The following CDK14 variants were observed in gnomAD, a reference collection of about 807,000 sequenced individuals.
CDK14 encodes the protein cyclin dependent kinase 14, also known as cyclin-dependent kinase 14.
CDK14 carries 34 observed loss-of-function variants against 60.7 expected under a neutral mutation model. The ratio of observed to expected loss-of-function variants is 0.56; its 90% CI spans 0.43 to 0.75. CDK14 has a LOEUF of 0.75. CDK14 is among the 30% of genes least tolerant of loss of function. The pLI is 0.00. For missense variants in CDK14, 482 were observed against 564.1 expected, an observed-to-expected ratio of 0.85 and a Z score of 1.47; for synonymous variants, 197 against 203.7, an observed-to-expected ratio of 0.97 and a Z score of 0.28.
Position 90,890,991 on chromosome 7 carries a change from A to G in CDK14, c.640-8300A>G, listed in dbSNP as rs79233363. Among the ~76,000 whole-genome samples the G allele has an allele frequency of 9.8e-3, 1,499 of 152,294 alleles. 23 individuals are homozygous for G. The highest frequency in any genetic ancestry group is 0.033 in the African/African-American group (1,375 of 41,554). ...GTGGTGTGTGCACTGTGTCTCAGAC[A>G]TGGGACACTGGTAATGAAGATGACA... On this transcript the variant is annotated intron_variant, in intron 6 of 14. Coordinates refer to ENST00000380050, the MANE Select transcript of CDK14 (RefSeq NM_001287135.2).
intron 14 of CDK14, among the ~76,000 whole-genome samples, chr7:91,158,709 A>G (rs903684761): frequency 1.3e-5 from 2 of 152,208 alleles, no homozygotes; most frequent in South Asian, 4.1e-4. Flanking sequence ...GGTTGTTCTA[A>G]GGCAGGAATG....
chr7:90,858,693 A>G (rs572868242), intron 5 of CDK14, among the ~76,000 whole-genome samples: 185 of 152,316 alleles, frequency 1.2e-3, no homozygotes, highest in Non-Finnish European at 2.3e-3. Context: ...TCATTTAAAA[A>G]TACCCTGCTG....
chr7:90,685,330 T>G (rs1191712520), intron 2 of CDK14, among the ~76,000 whole-genome samples: 1 of 152,196 alleles, frequency 6.6e-6, no homozygotes, highest in East Asian at 1.9e-4. Context: ...TGTCTTTTCC[T>G]GTGTCAGTAC....
chr7:90,707,647 T>C (rs1329116687), intron 2 of CDK14, among the ~76,000 whole-genome samples: 2 of 152,212 alleles, frequency 1.3e-5, no homozygotes, highest in African/African-American at 4.8e-5. Flanking sequence ...ACCTTTCTTC[T>C]GAGCCTTCGC....
intron 6 of CDK14, among the ~76,000 whole-genome samples, chr7:90,891,227 C>A (rs1792114616): frequency 6.6e-6 from 1 of 152,106 alleles, no homozygotes; most frequent in African/African-American, 2.4e-5. Context: ...GGTTCATTCA[C>A]CTGGAAGAGG....
At chr7:90,934,546 A>G (rs1793693386) in intron 8 of CDK14, among the ~76,000 whole-genome samples, 1 of 152,238 alleles carries the variant, frequency 6.6e-6, no homozygotes, top group Non-Finnish European at 1.5e-5. Flanking sequence ...AAAGCATGGT[A>G]TCAAGGAATT....
At chr7:91,133,022 T>C (rs2116431250) in intron 14 of CDK14, among the ~76,000 whole-genome samples, 1 of 152,296 alleles carries the variant, frequency 6.6e-6, no homozygotes, top group Admixed American at 6.5e-5. Flanking sequence ...ATTTAAATTT[T>C]GTGAATATAT....
chr7:91,056,004 G>A (rs1797541425), intron 11 of CDK14, among the ~76,000 whole-genome samples: 1 of 152,140 alleles, frequency 6.6e-6, no homozygotes, highest in African/African-American at 2.4e-5. Context: ...AGGAATCTAT[G>A]CATTGTATAA....
chr7:90,765,241 A>G (rs1226572722), intron 4 of CDK14, among the ~76,000 whole-genome samples: 1 of 152,242 alleles, frequency 6.6e-6, no homozygotes, highest in Non-Finnish European at 1.5e-5. Context: ...TGACTTTTTT[A>G]TTAAAAAAAG....
chr7:91,200,953 A>G (rs1802697261), intron 14 of CDK14, among the ~76,000 whole-genome samples: 1 of 152,192 alleles, frequency 6.6e-6, no homozygotes, highest in Non-Finnish European at 1.5e-5. Context: ...CTTTCATTCT[A>G]GCATTATGGA....
intron 14 of CDK14, among the ~76,000 whole-genome samples, chr7:91,165,819 A>G (rs1801327980): frequency 6.6e-6 from 1 of 152,250 alleles, no homozygotes; most frequent in African/African-American, 2.4e-5. Flanking sequence ...CATTATCACT[A>G]TCAAAGTAAT....
chr7:90,611,713 C>T (rs1051919479), intron 2 of CDK14, among the ~76,000 whole-genome samples: 4 of 152,196 alleles, frequency 2.6e-5, no homozygotes, highest in African/African-American at 9.6e-5. Context: ...TGCCGATCCC[C>T]TGCTTACTGC....
chr7:90,734,230 C>T lies in CDK14; in HGVS notation c.369+7418C>T, dbSNP rs182032291. 3.0e-3 allele frequency among the ~76,000 whole-genome samples: 459 copies of T among 152,278 alleles called. 2 individuals are homozygous for T. The highest frequency in any genetic ancestry group is 0.011 in the African/African-American group (440 of 41,552). On this transcript the variant is annotated intron_variant, in intron 3 of 14. Transcript: ENST00000380050. ...TGGGTAACCTGAGTCTTCTCTCTGG[C>T]TGCCCTTAGCATTTTTTCCTTCATT...
At chr7:90,630,888 A>ATG (rs55859300) in intron 2 of CDK14, among the ~76,000 whole-genome samples, 39,773 of 148,330 alleles carry the variant, frequency 0.27, 5,404 homozygotes, top group Non-Finnish European at 0.31. Context: ...TGGGGTGTGT[A>ATG]TGTGTGTGTG....
intron 11 of CDK14, among the ~76,000 whole-genome samples, chr7:91,047,168 C>T (rs550852212): frequency 8.5e-5 from 13 of 152,252 alleles, no homozygotes; most frequent in South Asian, 2.1e-4. Context: ...TCCTTATAAA[C>T]GATCCAATTG....
intron 11 of CDK14, among the ~76,000 whole-genome samples, chr7:91,076,242 C>CAA (rs564729987): frequency 0.013 from 382 of 28,794 alleles, 57 homozygotes; most frequent in South Asian, 0.016. Flanking sequence ...CTACAGTAAC[C>CAA]AAAAAAAAAA....
At chr7:90,914,684 T>A (rs1454222035) in intron 7 of CDK14, among the ~76,000 whole-genome samples, 2 of 152,208 alleles carry the variant, frequency 1.3e-5, no homozygotes, top group East Asian at 3.8e-4. Context: ...TCCTTTAATA[T>A]GGCATCCTAT....
At chr7:91,192,492 A>G (rs1049521799) in intron 14 of CDK14, among the ~76,000 whole-genome samples, 2 of 152,150 alleles carry the variant, frequency 1.3e-5, no homozygotes, top group African/African-American at 4.8e-5. Context: ...ATTATCTTCA[A>G]CTACTCAGAT....
chr7:91,124,448 A>G (rs1316089820), intron 14 of CDK14, among the ~76,000 whole-genome samples: 3 of 151,900 alleles, frequency 2.0e-5, no homozygotes, highest in Admixed American at 6.6e-5. Flanking sequence ...TTTCTTAAAA[A>G]CAAATAATTT....
Sources: allele counts gnomAD v4.1 joint callset (sites outside exome capture counted in the v4.1 genomes callset), GRCh38; gene constraint gnomAD v4.1.1; transcripts MANE v1.5; gene names NCBI Gene and HGNC (gene_info 2026-07-23, HGNC 2026-07-21).